The following TSBP1 variants were observed in gnomAD, a reference collection of about 807,000 sequenced individuals.
TSBP1 encodes testis expressed basic protein 1.
A neutral mutation model predicts 68.8 loss-of-function variants in TSBP1; 56 were observed. The ratio of observed to expected loss-of-function variants is 0.81; its 90% CI spans 0.66 to 1.02. TSBP1 has a LOEUF of 1.02. Ranked by LOEUF, TSBP1 falls within the 50% of genes least tolerant of loss-of-function variation. The pLI is 0.00. For missense variants in TSBP1, 502 were observed against 641.2 expected (o/e 0.78, Z 2.34); for synonymous variants, 171 against 208.7 (o/e 0.82, Z 1.56).
chr6:32,316,281 C>A lies in TSBP1; in HGVS notation c.560-489G>T. The A allele has an allele frequency of 2.6e-6, 2 of 778,982 alleles. No homozygotes were observed. Among genetic ancestry groups the A allele is most frequent in the South Asian group, 3.7e-5 (2 of 54,710 alleles). The allele number at this position is 778,982 out of a possible 1,614,324, so 48.3% of individuals were successfully genotyped here. ...TAAAAAGATTCTCTGTAATATAGACCATGTAGGGTAATAAGGAAGCAAGGG... is the reference window on the plus strand; with the variant it reads ...TAAAAAGATTCTCTGTAATATAGACAATGTAGGGTAATAAGGAAGCAAGGG... On this transcript the variant is annotated intron_variant, in intron 18 of 22. Coordinates refer to ENST00000612031, the Ensembl canonical transcript of TSBP1. This position sits in a 1 kb window ranked among gnomAD's most constrained non-coding sequence, Gnocchi z 4.5.
chr6:32,298,622 C>T (rs1764956798), intron 22 of TSBP1, among the ~76,000 whole-genome samples: 1 of 152,102 alleles, frequency 6.6e-6, no homozygotes, highest in South Asian at 2.1e-4. Flanking sequence ...ACTTCATCTC[C>T]CTGCCTTCCT....
chr6:32,371,688 C>T lies in TSBP1; in HGVS notation c.13+6G>A. ...AGGAAGCCTCAAAGAGGGAGTTAGT[C>T]CATACCCAAGACTGTCATTTTCCAT... On this transcript the variant is annotated splice_donor_region_variant and intron_variant, in intron 1 of 22. Transcript: ENST00000612031. 6.2e-7 allele frequency: 1 copy of T among 1,609,888 alleles called. No homozygotes were observed. The highest frequency in any genetic ancestry group is 8.5e-7 in the Non-Finnish European group (1 of 1,176,058).
At chr6:32,339,738 G>GT (rs1770125787) in intron 9 of TSBP1, 100 bp from the exon 11 acceptor site, 1 of 598,358 alleles carries the variant, frequency 1.7e-6, no homozygotes, top group Admixed American at 2.7e-5. Flanking sequence ...CTCAGGTGTG[G>GT]TACAAACAGT....
intron 22 of TSBP1, among the ~76,000 whole-genome samples, chr6:32,296,354 C>A (rs550254119): frequency 3.3e-5 from 5 of 152,262 alleles, no homozygotes; most frequent in South Asian, 2.1e-4. Flanking sequence ...CAGCTGTTGA[C>A]ATCCAAATAA....
rs1418047372 is a variant in TSBP1 at position 32,315,793 on chromosome 6, C to G, written c.560-1G>C. The G allele has an allele frequency of 1.3e-6, 2 of 1,503,638 alleles. No individual in the cohort carries two copies. Among genetic ancestry groups the G allele is most frequent in the Non-Finnish European group, 1.8e-6 (2 of 1,117,526 alleles). The allele number at this position is 1,503,638 out of a possible 1,614,324, so 93.1% of individuals were successfully genotyped here. A position where few individuals can be genotyped will look rare whatever the true frequency, so the allele number is the denominator to read the frequency against. On this transcript the variant is annotated splice_acceptor_variant, in intron 18 of 22. Transcript: ENST00000612031. LOFTEE classifies it high-confidence loss of function. This position sits in a 1 kb window ranked among gnomAD's most constrained non-coding sequence, Gnocchi z 5.4. The stretch of plus-strand genomic sequence containing the variant: ...TTACTTGCAGTTCTCTGCGAAATTA[C>G]TAAAAAATAAGCAAAAAGAAATCCA...
At chr6:32,349,953 G>A (rs1771530289) in intron 8 of TSBP1, 193 bp from the exon 9 acceptor site, 1 of 774,362 alleles carries the variant, frequency 1.3e-6, no homozygotes, top group African/African-American at 1.7e-5. Context: ...TACTTTTGTG[G>A]TAAGGTGGGA....
intron 16 of TSBP1, 192 bp from the exon 18 acceptor site, chr6:32,323,806 T>C (rs1270284735): frequency 4.9e-6 from 3 of 614,100 alleles, no homozygotes; most frequent in Non-Finnish European, 8.7e-6. Context: ...GGAATTTTGA[T>C]GATAGGAAAG....
chr6:32,300,547 G>T, intron 21 of TSBP1, 133 bp downstream of exon 24: 1 of 754,760 alleles, frequency 1.3e-6, no homozygotes, highest in Admixed American at 2.2e-5. Context: ...ATTGAAATAT[G>T]AGGAAATCAC....
chr6:32,320,175 C>A (rs377563450), intron 18 of TSBP1: 17,069 of 441,370 alleles, frequency 0.039, 1,188 homozygotes, highest in South Asian at 0.089. Flanking sequence ...TGGGTTGTGG[C>A]TCTCTTCTTG....
chr6:32,358,877 G>A (rs1420892174), intron 6 of TSBP1, among the ~76,000 whole-genome samples: 1 of 151,070 alleles, frequency 6.6e-6, no homozygotes, highest in African/African-American at 2.4e-5. Context: ...ATAAACATAC[G>A]TGTGCATGTG....
In TSBP1 at chr6:32,336,190, T is replaced by G. The variant is rs1769649756; in HGVS notation, c.431-258A>C. Among the ~76,000 whole-genome samples the G allele has an allele frequency of 6.6e-6, 1 of 152,226 alleles. No individual in the cohort carries two copies. Among genetic ancestry groups the G allele is most frequent in the African/African-American group, 2.4e-5 (1 of 41,464 alleles). On this transcript the variant is annotated intron_variant, in intron 12 of 22. Coordinates refer to ENST00000612031, the Ensembl canonical transcript of TSBP1. The surrounding 1 kb of genome is among the most constrained non-coding windows in gnomAD (Gnocchi z 5.2). The stretch of plus-strand genomic sequence containing the variant: ...GGGAAAGACTCACTCCATATTAATC[T>G]GTTATGCCTCTATTTTTCTTCTTAC...
intron 21 of TSBP1, 59 bp from the exon 25 acceptor site, chr6:32,299,995 C>T (rs1412393809): frequency 1.5e-6 from 2 of 1,359,912 alleles, no homozygotes; most frequent in Non-Finnish European, 2.1e-6. Context: ...GAGAAACCCA[C>T]CTTCCAATAG....
At chr6:32,356,304 A>G (rs1050192530) in intron 6 of TSBP1, among the ~76,000 whole-genome samples, 7 of 151,622 alleles carry the variant, frequency 4.6e-5, no homozygotes, top group Admixed American at 3.9e-4. Flanking sequence ...AGACAATAGT[A>G]TTTTTTTTTC....
Position 32,321,611 on chromosome 6 carries a change from C to T in TSBP1, c.559+1506G>A, listed in dbSNP as rs1767647375. 6.6e-6 allele frequency among the ~76,000 whole-genome samples: 1 copy of T among 152,172 alleles called. No homozygotes were observed. Among genetic ancestry groups the T allele is most frequent in the Non-Finnish European group, 1.5e-5 (1 of 68,016 alleles). Reference sequence around the variant, plus strand: ...AATACTTAGCCGATCAGCCTCTTTGCTAAGGCTTCAGAAAGATGTGTGGAT... The same window carrying T: ...AATACTTAGCCGATCAGCCTCTTTGTTAAGGCTTCAGAAAGATGTGTGGAT... On this transcript the variant is annotated intron_variant, in intron 18 of 22. Transcript: ENST00000612031. This position sits in a 1 kb window ranked among gnomAD's most constrained non-coding sequence, Gnocchi z 4.3.
intron 6 of TSBP1, among the ~76,000 whole-genome samples, chr6:32,360,165 C>T (rs1354432672): frequency 6.6e-6 from 1 of 152,092 alleles, no homozygotes; most frequent in South Asian, 2.1e-4. Flanking sequence ...AGTTTGTACC[C>T]TTTGGCCAAC....
At position 32,357,933 on chromosome 6, in the gene TSBP1, G is replaced by A. The variant is rs3129909; in HGVS notation, c.218-2264C>T. The stretch of plus-strand genomic sequence containing the variant: ...AGGGTTAAGGGAACTGAAATCCCCA[G>A]CAGTGTCTCTGGGGTGGGGCTGCAT... On this transcript the variant is annotated intron_variant, in intron 6 of 22. Transcript: ENST00000612031. The surrounding 1 kb of genome is among the most constrained non-coding windows in gnomAD (Gnocchi z 4.7). Among the ~76,000 whole-genome samples, 77,914 of 151,462 alleles carry A rather than the reference G, an allele frequency of 0.51. 20,535 individuals are homozygous for A. Among genetic ancestry groups the A allele is most frequent in the Middle Eastern group, 0.61 (178 of 294 alleles).
At position 32,343,313 on chromosome 6, in the gene TSBP1, T is replaced by A; in HGVS notation, c.350-3675A>T. The stretch of plus-strand genomic sequence containing the variant: ...GTCTAAAGTTTCAATAATCCATCAA[T>A]TTCCCAAAAGTCTTCCCAGAAATAG... On this transcript the variant is annotated intron_variant, in intron 9 of 22. Transcript: ENST00000612031. This position sits in a 1 kb window ranked among gnomAD's most constrained non-coding sequence, Gnocchi z 4.3. The A allele has an allele frequency of 8.5e-7, 1 of 1,182,032 alleles. No homozygotes were observed. The highest frequency in any genetic ancestry group is 1.1e-6 in the Non-Finnish European group (1 of 889,724). 73.2% of individuals were successfully genotyped at this position (1,182,032 alleles called of 1,614,324 possible). A position where few individuals can be genotyped will look rare whatever the true frequency, so the allele number is the denominator to read the frequency against.
intron 22 of TSBP1, among the ~76,000 whole-genome samples, chr6:32,295,346 A>ACACC (rs1764584798): frequency 1.2e-5 from 1 of 85,526 alleles, no homozygotes. Context: ...ACACACACAC[A>ACACC]CACAAAAAAA....
rs1773552218 is a variant in TSBP1, at chr6:32,365,213, T to C, written c.217+954A>G. 2.4e-6 allele frequency: 1 copy of C among 412,598 alleles called. No individual in the cohort carries two copies. The highest frequency in any genetic ancestry group is 4.8e-6 in the Non-Finnish European group (1 of 207,174). The allele number at this position is 412,598 out of a possible 1,614,324, so 25.6% of individuals were successfully genotyped here. On this transcript the variant is annotated intron_variant, in intron 6 of 22. Transcript: ENST00000612031. This position sits in a 1 kb window ranked among gnomAD's most constrained non-coding sequence, Gnocchi z 4.3. ...AGGGTAGATGGGATTTCTAAGATTG[T>C]GCTTTCTCTCAATCCTGCAAAGCCA...
Sources: gnomAD v4.1 joint callset for allele counts (sites outside exome capture counted in the v4.1 genomes callset) on GRCh38, gnomAD v4.1.1 for gene constraint, Gnocchi (gnomAD v3.1) non-coding constraint, MANE v1.5 for transcripts, NCBI Gene and HGNC (gene_info 2026-07-23, HGNC 2026-07-21) for gene names.